AGTPBP1: variants seen among roughly 807,000 people sequenced by gnomAD.
AGTPBP1 encodes cytosolic carboxypeptidase 1.
AGTPBP1 carries 70 observed loss-of-function variants against 143.9 expected under a neutral mutation model. That is an observed-to-expected ratio of 0.49 (90% confidence interval 0.40 to 0.59). The LOEUF is 0.59. Ranked by LOEUF, AGTPBP1 falls within the 20% of genes least tolerant of loss-of-function variation. AGTPBP1 has a pLI of 0.00. For missense variants in AGTPBP1, 1,229 were observed against 1,464.5 expected (o/e 0.84, Z 2.62); for synonymous variants, 463 against 500.2 (o/e 0.93, Z 0.99).
intron 17 of AGTPBP1, among the ~76,000 whole-genome samples, chr9:85,610,305 G>C (rs74390215): frequency 4.5e-4 from 68 of 152,104 alleles, no homozygotes; most frequent in African/African-American, 1.5e-3. Context: ...CCAAGTAATG[G>C]GGGGGTAAGA....
chr9:85,663,679 C>A (rs1366545835), intron 8 of AGTPBP1, among the ~76,000 whole-genome samples: 2 of 150,174 alleles, frequency 1.3e-5, no homozygotes, highest in Non-Finnish European at 3.0e-5. Flanking sequence ...AACATTAAAA[C>A]ACTTATCACA....
chr9:85,686,786 A>G (rs541788438), intron 3 of AGTPBP1, among the ~76,000 whole-genome samples: 6 of 152,156 alleles, frequency 3.9e-5, no homozygotes, highest in Non-Finnish European at 8.8e-5. Flanking sequence ...TATAGGAACC[A>G]CTAAGAAAAG....
intron 3 of AGTPBP1, among the ~76,000 whole-genome samples, chr9:85,689,490 C>T (rs1835701193): frequency 1.3e-5 from 2 of 152,174 alleles, no homozygotes; most frequent in Admixed American, 1.3e-4. Context: ...AAATTACTCA[C>T]ACATTCTCTC....
In AGTPBP1 at chr9:85,594,385, G is replaced by A. The variant is rs968149466; in HGVS notation, c.2424-1681C>T. Among the ~76,000 whole-genome samples the A allele has an allele frequency of 4.6e-5, 7 of 152,104 alleles. No homozygotes were observed. In the East Asian group the frequency reaches 1.2e-3, roughly 25 times the overall value. ...TGTAATCCCAGCACTTTGGGAGGCT[G>A]AGGCAGAGGGATCGCAACATGGTGA... On this transcript the variant is annotated intron_variant, in intron 18 of 25. Transcript: ENST00000357081.
chr9:85,765,924 T>C, the AGTPBP1 span, among the ~76,000 whole-genome samples: 70 of 152,152 alleles, frequency 4.6e-4, no homozygotes, highest in African/African-American at 1.6e-3. Flanking sequence ...AGGAACATTA[T>C]AGCCCTCTGT....
intron 25 of AGTPBP1, among the ~76,000 whole-genome samples, chr9:85,564,849 G>A (rs1158416230): frequency 6.6e-6 from 1 of 152,222 alleles, no homozygotes; most frequent in African/African-American, 2.4e-5. Flanking sequence ...TTGAGTTAAT[G>A]TTGGAATAAG....
intron 25 of AGTPBP1, among the ~76,000 whole-genome samples, chr9:85,556,962 T>C (rs1826388431): frequency 6.6e-6 from 1 of 152,154 alleles, no homozygotes; most frequent in East Asian, 1.9e-4. Context: ...CTTGATCTTA[T>C]CAGGAATATA....
chr9:85,627,461 A>G (rs919919724), intron 14 of AGTPBP1, among the ~76,000 whole-genome samples: 6 of 152,310 alleles, frequency 3.9e-5, no homozygotes, highest in South Asian at 2.1e-4. Flanking sequence ...ATAATTTTGA[A>G]GAGTTTCCTA....
chr9:85,729,113 A>G (rs959678550), intron 1 of AGTPBP1, among the ~76,000 whole-genome samples: 14 of 152,220 alleles, frequency 9.2e-5, no homozygotes, highest in African/African-American at 3.1e-4. Context: ...TCTATGGCCA[A>G]TCGATTTTTG....
chr9:85,558,593 A>C (rs1826497355), intron 25 of AGTPBP1, among the ~76,000 whole-genome samples: 2 of 148,972 alleles, frequency 1.3e-5, no homozygotes, highest in Admixed American at 1.3e-4. Context: ...TTGTGTAGAT[A>C]TTGCTATCTT....
intron 2 of AGTPBP1, among the ~76,000 whole-genome samples, chr9:85,703,649 C>G (rs557959495): frequency 6.6e-6 from 1 of 152,306 alleles, no homozygotes; most frequent in South Asian, 2.1e-4. Flanking sequence ...AAGGCTCAAT[C>G]TGGGGGAACA....
the AGTPBP1 span, among the ~76,000 whole-genome samples, chr9:85,800,842 TAAC>T: frequency 2.0e-5 from 3 of 148,426 alleles, no homozygotes; most frequent in East Asian, 5.8e-4. Flanking sequence ...TGTGTGTGTG[TAAC>T]GTGTCTTATC....
the AGTPBP1 span, among the ~76,000 whole-genome samples, chr9:85,772,490 A>G: frequency 6.6e-6 from 1 of 152,222 alleles, no homozygotes; most frequent in Non-Finnish European, 1.5e-5. Flanking sequence ...GCTCACGCCT[A>G]TAATCCCAGT....
chr9:85,698,404 G>GA (rs1329976998), intron 2 of AGTPBP1, among the ~76,000 whole-genome samples: 1 of 152,066 alleles, frequency 6.6e-6, no homozygotes, highest in Non-Finnish European at 1.5e-5. Flanking sequence ...TCTACAGAAG[G>GA]AAAACGGAAC....
At chr9:85,748,611 T>TTGGA in the AGTPBP1 span, among the ~76,000 whole-genome samples, 2 of 152,232 alleles carry the variant, frequency 1.3e-5, no homozygotes, top group Admixed American at 6.5e-5. Flanking sequence ...GTGCCTTACA[T>TTGGA]GATATATCAG....
chr9:85,702,167 A>C (rs1311377818), intron 2 of AGTPBP1, among the ~76,000 whole-genome samples: 1 of 152,186 alleles, frequency 6.6e-6, no homozygotes, highest in African/African-American at 2.4e-5. Context: ...GCACTCAACC[A>C]AAAGTTTTCT....
intron 23 of AGTPBP1, among the ~76,000 whole-genome samples, chr9:85,585,009 G>A (rs1256610302): frequency 6.6e-6 from 1 of 152,072 alleles, no homozygotes; most frequent in Non-Finnish European, 1.5e-5. Context: ...GAGAAAAAAA[G>A]AGTCAAAGCA....
chr9:85,729,201 G>C (rs1838717669), intron 1 of AGTPBP1, among the ~76,000 whole-genome samples: 1 of 152,112 alleles, frequency 6.6e-6, no homozygotes, highest in Non-Finnish European at 1.5e-5. Flanking sequence ...ATATCCACAT[G>C]CCAAAGAATG....
At chr9:85,742,766 G>A (rs1350905308), upstream of AGTPBP1, among the ~76,000 whole-genome samples, 2 of 152,152 alleles carry the variant, frequency 1.3e-5, no homozygotes, top group African/African-American at 4.8e-5. Flanking sequence ...CTGTACTTCA[G>A]TGTACTGCAA....
Sources: gnomAD v4.1 joint callset for allele counts (sites outside exome capture counted in the v4.1 genomes callset) on GRCh38, gnomAD v4.1.1 for gene constraint, MANE v1.5 for transcripts, NCBI Gene and HGNC (gene_info 2026-07-23, HGNC 2026-07-21) for gene names.